Variants in PTPRN2 observed in about 807,000 individuals in gnomAD.
PTPRN2 encodes the protein receptor-type tyrosine-protein phosphatase N2.
PTPRN2 carries 74 observed loss-of-function variants against 118.8 expected under a neutral mutation model. The ratio of observed to expected loss-of-function variants is 0.62; its 90% CI spans 0.52 to 0.76. PTPRN2 has a LOEUF of 0.76. Ranked by LOEUF, PTPRN2 falls within the 30% of genes least tolerant of loss-of-function variation. The pLI is 0.00. For missense variants in PTPRN2, 1,481 were observed against 1,394.4 expected (o/e 1.06, Z -0.99); for synonymous variants, 641 against 608.0 (o/e 1.05, Z -0.80).
At chr7:158,148,533 C>A (rs1820455062) in intron 6 of PTPRN2, among the ~76,000 whole-genome samples, 1 of 126,558 alleles carries the variant, frequency 7.9e-6, no homozygotes, top group Non-Finnish European at 1.7e-5. Context: ...TCTCACGCCA[C>A]AGGTCTTTCC....
intron 1 of PTPRN2, among the ~76,000 whole-genome samples, chr7:158,566,268 T>G (rs1827665317): frequency 6.6e-6 from 1 of 151,794 alleles, no homozygotes; most frequent in Non-Finnish European, 1.5e-5. Context: ...GCAGGAGAAT[T>G]GCTTGAACCC....
At chr7:157,772,330 C>G (rs1260947846) in intron 12 of PTPRN2, among the ~76,000 whole-genome samples, 6 of 130,368 alleles carry the variant, frequency 4.6e-5, no homozygotes, top group East Asian at 2.1e-4. Context: ...CAGACACACA[C>G]ATACACACAG....
chr7:158,580,722 G>T (rs1828584141), intron 1 of PTPRN2, among the ~76,000 whole-genome samples: 1 of 152,186 alleles, frequency 6.6e-6, no homozygotes, highest in African/African-American at 2.4e-5. Context: ...ACAAGTCTGA[G>T]ATGAGAGCTC....
At chr7:158,267,922 C>A (rs765954194) in intron 3 of PTPRN2, among the ~76,000 whole-genome samples, 1 of 152,168 alleles carries the variant, frequency 6.6e-6, no homozygotes, top group Non-Finnish European at 1.5e-5. Context: ...ACCTCCAGCC[C>A]GTAATTTAGA....
At chr7:157,723,172 C>A (rs777131700) in intron 12 of PTPRN2, among the ~76,000 whole-genome samples, 1 of 152,210 alleles carries the variant, frequency 6.6e-6, no homozygotes, top group Admixed American at 6.5e-5. Flanking sequence ...CTGAGGATAG[C>A]GGAGCTGCTC....
chr7:157,865,726 G>C (rs926744810), intron 12 of PTPRN2: 2 of 152,254 alleles, frequency 1.3e-5, no homozygotes, highest in African/African-American at 4.8e-5. Flanking sequence ...CACGGGTTTT[G>C]TGCGGTATTT....
At chr7:158,572,570 C>A (rs913404513) in intron 1 of PTPRN2, among the ~76,000 whole-genome samples, 1 of 152,202 alleles carries the variant, frequency 6.6e-6, no homozygotes, top group Non-Finnish European at 1.5e-5. Flanking sequence ...CTCTCCGAGG[C>A]TCCTGATCAG....
chr7:157,547,653 G>A (rs1038210007), intron 22 of PTPRN2, among the ~76,000 whole-genome samples: 7 of 152,022 alleles, frequency 4.6e-5, no homozygotes, highest in Non-Finnish European at 8.8e-5. Context: ...TTCTCCCCGC[G>A]GGACACTGAG....
chr7:158,149,455 A>AT (rs970138881), intron 6 of PTPRN2, among the ~76,000 whole-genome samples: 2 of 152,114 alleles, frequency 1.3e-5, no homozygotes, highest in Non-Finnish European at 2.9e-5. Context: ...AAAAAAAAAA[A>AT]ATCCTTATTT....
intron 3 of PTPRN2, among the ~76,000 whole-genome samples, chr7:158,295,663 C>G (rs922749317): frequency 1.3e-5 from 2 of 151,514 alleles, no homozygotes; most frequent in African/African-American, 4.9e-5. Context: ...GCTGACCCTG[C>G]CTGTCTGCCC....
At chr7:158,578,520 G>A (rs1296793914) in intron 1 of PTPRN2, among the ~76,000 whole-genome samples, 1 of 124,976 alleles carries the variant, frequency 8.0e-6, no homozygotes, top group Non-Finnish European at 1.6e-5. Flanking sequence ...GGGCTACAGA[G>A]CCAGACCCTG....
chr7:157,769,165 C>T (rs769816666), intron 12 of PTPRN2, among the ~76,000 whole-genome samples: 9 of 152,188 alleles, frequency 5.9e-5, no homozygotes, highest in Non-Finnish European at 1.0e-4. Context: ...CCGAGGGCAG[C>T]GGTTGAATGT....
intron 2 of PTPRN2, among the ~76,000 whole-genome samples, chr7:158,320,826 A>G (rs1802953654): frequency 6.6e-6 from 1 of 152,188 alleles, no homozygotes; most frequent in Non-Finnish European, 1.5e-5. Context: ...CCCACAGATC[A>G]TGCCCAGGTT....
At chr7:157,693,656 GGA>G (rs1388581539) in intron 12 of PTPRN2, among the ~76,000 whole-genome samples, 2 of 152,090 alleles carry the variant, frequency 1.3e-5, no homozygotes, top group Non-Finnish European at 2.9e-5. Context: ...GAGCAGCTGG[GGA>G]ACCGCGCGTC....
chr7:158,533,257 G>A (rs530770022), intron 1 of PTPRN2, among the ~76,000 whole-genome samples: 4 of 152,326 alleles, frequency 2.6e-5, no homozygotes, highest in African/African-American at 9.6e-5. Flanking sequence ...CGCTCACAGG[G>A]CAGCGCCCAA....
chr7:158,484,381 G>C (rs1820853798), intron 2 of PTPRN2, among the ~76,000 whole-genome samples: 1 of 151,860 alleles, frequency 6.6e-6, no homozygotes, highest in Non-Finnish European at 1.5e-5. Flanking sequence ...TATTTATTTA[G>C]AGACAGAGTC....
In PTPRN2 at chr7:158,133,371, G is replaced by A. The variant is rs550782844; in HGVS notation, c.1556+306C>T. 2.7e-4 allele frequency among the ~76,000 whole-genome samples: 41 copies of A among 152,248 alleles called. No individual in the cohort carries two copies. The South Asian group carries it at 6.4e-3, about 24-fold the overall frequency. On this transcript the variant is annotated intron_variant, in intron 9 of 22. Transcript: ENST00000389418. ...GTGATTCTGACCCGCAGAGAGGCGC[G>A]GCCTGCAGGTGACCAGTCAGGACCA... is the stretch of plus-strand genomic sequence containing the variant.
At chr7:158,458,233 C>A (rs1818679657) in intron 2 of PTPRN2, among the ~76,000 whole-genome samples, 4 of 152,260 alleles carry the variant, frequency 2.6e-5, no homozygotes, top group African/African-American at 9.6e-5. Flanking sequence ...ATTTCCCCGA[C>A]ATCTGGTGGT....
chr7:158,478,157 A>C (rs1820401429), intron 2 of PTPRN2, among the ~76,000 whole-genome samples: 1 of 152,220 alleles, frequency 6.6e-6, no homozygotes. Context: ...ATCACACAGC[A>C]CGGGAGCCGC....
Sources: gnomAD v4.1 joint callset for allele counts (sites outside exome capture counted in the v4.1 genomes callset) on GRCh38, gnomAD v4.1.1 for gene constraint, MANE v1.5 for transcripts, NCBI Gene and HGNC (gene_info 2026-07-23, HGNC 2026-07-21) for gene names.